Variants in LY75 observed in about 807,000 individuals in gnomAD.
LY75 encodes lymphocyte antigen 75, also known as C-type lectin domain family 13 member B.
A neutral mutation model predicts 231.7 loss-of-function variants in LY75; 185 were observed. That is an observed-to-expected ratio of 0.80 (90% CI 0.71 to 0.90). LY75 has a LOEUF of 0.90. LY75 is among the 40% of genes least tolerant of loss of function. The pLI is 0.00. For missense variants in LY75, 1,947 were observed against 2,050.2 expected (o/e 0.95, Z 0.97); for synonymous variants, 668 against 689.0 (o/e 0.97, Z 0.48).
At position 159,872,591 on chromosome 2, in the gene LY75, T is replaced by A. The variant is rs780909827; in HGVS notation, c.1977A>T (p.Val659=). 15 of 1,611,502 alleles carry A rather than the reference T, an allele frequency of 9.3e-6. No homozygotes were observed. Among genetic ancestry groups the A allele is most frequent in the Non-Finnish European group, 1.2e-5 (14 of 1,179,216 alleles). ...SFPASLSCYK[V]FHAERIVRKR... ...TTCTTACAATTCTTTCTGCATGGAA[T>A]ACCTTAGCAAAATATAATATTAATT... Residue 659 remains valine, a splice_region_variant and synonymous_variant, in exon 13 of 35, where the codon GTA becomes GTT. Transcript: ENST00000263636.
chr2:159,879,451 A>G, intron 8 of LY75, 82 bp from the exon 9 acceptor site: 1 of 1,539,420 alleles, frequency 6.5e-7, no homozygotes, highest in Non-Finnish European at 8.8e-7. Context: ...AAACTATGAC[A>G]GAGACAGAGA....
Position 159,824,956 on chromosome 2 carries a change from C to T in LY75, c.3959-5036G>A, listed in dbSNP as rs1683413558. ...CAGAATCTTTGGGACACATTTAAAG[C>T]AGTGTGTAGGGGGAAATTTATAGCA... On this transcript the variant is annotated intron_variant, in intron 28 of 34. Coordinates refer to ENST00000263636, the MANE Select transcript of LY75 (RefSeq NM_002349.4). Among the ~76,000 whole-genome samples the T allele has an allele frequency of 3.9e-5, 6 of 152,132 alleles. No individual in the cohort carries two copies. The South Asian group carries it at 1.2e-3, about 31-fold the overall frequency.
intron 16 of LY75, among the ~76,000 whole-genome samples, chr2:159,856,038 T>C (rs997378482): frequency 1.3e-5 from 2 of 152,224 alleles, no homozygotes; most frequent in African/African-American, 4.8e-5. Flanking sequence ...ACATAGTTTC[T>C]TGTCTGTAAT....
At chr2:159,861,925 T>C (rs552610690) in intron 14 of LY75, among the ~76,000 whole-genome samples, 195 of 151,834 alleles carry the variant, frequency 1.3e-3, no homozygotes, top group African/African-American at 4.7e-3. Flanking sequence ...GAGGCTAAGA[T>C]GGGTAGACTG....
intron 25 of LY75, among the ~76,000 whole-genome samples, 194 bp downstream of exon 25, chr2:159,840,535 G>C (rs1343390619): frequency 6.6e-6 from 1 of 152,152 alleles, no homozygotes; most frequent in Non-Finnish European, 1.5e-5. Context: ...TCACACCACT[G>C]TACTCCAGCC....
rs1415058133 is a variant in LY75, at chr2:159,875,526, C to T, written c.1892G>A (p.Gly631Glu). Residue 631 changes from glycine to glutamate, a missense_variant, in exon 12 of 35, where the codon GGG becomes GAG. By Grantham distance (98) the Gly-to-Glu change is moderately conservative. Coordinates refer to ENST00000263636, the MANE Select transcript of LY75 (RefSeq NM_002349.4). ...SICKKMSGPL[G>E]PEEASPKPDD... is the part of the protein sequence containing the mutation. ...AGGCTTAGGGGATGCTTCTTCAGGC[C>T]CAAGGGGTCCACTCATTTTCTTGCA... 1 of 1,613,990 alleles carries T rather than the reference C, an allele frequency of 6.2e-7. No individual in the cohort carries two copies. The highest frequency in any genetic ancestry group is 1.7e-5 in the Admixed American group (1 of 59,992).
intron 4 of LY75, among the ~76,000 whole-genome samples, chr2:159,888,642 C>T (rs752855951): frequency 6.6e-6 from 1 of 152,126 alleles, no homozygotes; most frequent in African/African-American, 2.4e-5. Context: ...ATTACTTAGA[C>T]AATACATGTT....
chr2:159,904,358 C>T (rs1686173022), intron 1 of LY75, among the ~76,000 whole-genome samples: 1 of 152,228 alleles, frequency 6.6e-6, no homozygotes, highest in Admixed American at 6.5e-5. Context: ...CCAGAAGGGC[C>T]CTGTCCTCCC....
chr2:159,866,740 C>A (rs1178489343), intron 13 of LY75, among the ~76,000 whole-genome samples: 1 of 152,156 alleles, frequency 6.6e-6, no homozygotes, highest in African/African-American at 2.4e-5. Flanking sequence ...GAAATAACTG[C>A]ATTTCTCCCA....
At position 159,882,154 on chromosome 2, in the gene LY75, C is replaced by T; in HGVS notation, c.1216G>A (p.Glu406Lys). ...LISIHSLADV[E>K]VVVTKLHNED... is the part of the protein sequence containing the mutation. Reference sequence around the variant, plus strand: ...TTATGGAGTTTTGTGACAACCACCTCCACATCTGCTAGAGAATGAATGCTG... The same window carrying T: ...TTATGGAGTTTTGTGACAACCACCTTCACATCTGCTAGAGAATGAATGCTG... Residue 406 changes from glutamate (E) to lysine (K), a missense_variant, in exon 7 of 35, where the codon GAG becomes AAG. Physicochemically the swap from Glu to Lys is moderately conservative, Grantham distance 56. Transcript: ENST00000263636. 1 of 1,613,556 alleles carries T rather than the reference C, an allele frequency of 6.2e-7. No homozygotes were observed. Among genetic ancestry groups the T allele is most frequent in the Non-Finnish European group, 8.5e-7 (1 of 1,179,736 alleles).
At position 159,858,427 on chromosome 2, in the gene LY75, T is replaced by C. The variant is rs749676995; in HGVS notation, c.2318A>G (p.Glu773Gly). Residue 773 changes from glutamate to glycine, a missense_variant, in exon 16 of 35, where the codon GAA becomes GGA. Coordinates refer to ENST00000263636, the MANE Select transcript of LY75 (RefSeq NM_002349.4). ...RRGWHFYDDR[E>G]FIYLRPFACD... ...AGCAAAAGGCCTCAAATAAATAAAT[T>C]CTCTATCATCATAGAAATGCCAGCC... is the stretch of plus-strand genomic sequence containing the variant. 1.2e-6 allele frequency: 2 copies of C among 1,613,416 alleles called. No individual in the cohort carries two copies. Among genetic ancestry groups the C allele is most frequent in the African/African-American group, 2.7e-5 (2 of 74,890 alleles).
chr2:159,876,588 G>T lies in LY75; in HGVS notation c.1775-945C>A, dbSNP rs1202703661. 2.6e-5 allele frequency among the ~76,000 whole-genome samples: 4 copies of T among 152,112 alleles called. No individual in the cohort carries two copies. In the East Asian group the frequency reaches 7.7e-4, roughly 29 times the overall value. ...TGAGGATGGGTGCAATAATGGTAAA[G>T]AGAGCTTCACATAGCCTTTCTGGTC... On this transcript the variant is annotated intron_variant, in intron 11 of 34. Coordinates refer to ENST00000263636, the MANE Select transcript of LY75 (RefSeq NM_002349.4).
At chr2:159,860,364 A>G (rs1355787217) in intron 15 of LY75, among the ~76,000 whole-genome samples, 1 of 152,170 alleles carries the variant, frequency 6.6e-6, no homozygotes, top group Non-Finnish European at 1.5e-5. Flanking sequence ...GACAGCACCA[A>G]TGAAACTTCT....
At position 159,885,193 on chromosome 2, in the gene LY75, A is replaced by G. The variant is rs1685547385; in HGVS notation, c.1014T>C (p.Tyr338=). The G allele has an allele frequency of 6.2e-7, 1 of 1,613,644 alleles. No homozygotes were observed. The highest frequency in any genetic ancestry group is 1.1e-5 in the South Asian group (1 of 91,062). The change falls in exon 6 of 35, where the codon TAT becomes TAC. Residue 338 remains tyrosine (Y), a synonymous_variant. Coordinates refer to ENST00000263636, the MANE Select transcript of LY75 (RefSeq NM_002349.4). ...TATTATTTAATGGTTTCCTGCAGAC[A>G]TAGGGCAGTTGAGCTTCACAGGAAA... The part of the protein sequence containing the change: ...QSFSCEAQLP[Y]VCRKPLNNTV...
At chr2:159,867,064 C>G (rs1418558964) in intron 13 of LY75, among the ~76,000 whole-genome samples, 2 of 152,074 alleles carry the variant, frequency 1.3e-5, no homozygotes, top group Non-Finnish European at 2.9e-5. Context: ...AGGACAGCTT[C>G]CTACAGAAAA....
At chr2:159,828,854 A>G (rs1429000473) in intron 28 of LY75, among the ~76,000 whole-genome samples, 11 of 152,230 alleles carry the variant, frequency 7.2e-5, no homozygotes, top group African/African-American at 2.7e-4. Flanking sequence ...CAATGTGGAT[A>G]AACCTTAAAA....
intron 28 of LY75, among the ~76,000 whole-genome samples, chr2:159,829,050 T>A (rs1475149155): frequency 6.6e-6 from 1 of 152,192 alleles, no homozygotes; most frequent in Non-Finnish European, 1.5e-5. Flanking sequence ...TTTGGGGTAG[T>A]GATGATTGCA....
chr2:159,863,423 T>C (rs1684771391), intron 14 of LY75, among the ~76,000 whole-genome samples: 1 of 152,206 alleles, frequency 6.6e-6, no homozygotes, highest in African/African-American at 2.4e-5. Flanking sequence ...CCACCAACAG[T>C]GTGCAAAAGC....
intron 8 of LY75, 119 bp from the exon 9 acceptor site, chr2:159,879,488 C>A: frequency 7.1e-7 from 1 of 1,413,732 alleles, no homozygotes. Flanking sequence ...AGTGAATTAT[C>A]AAATGTGAGA....
Sources: gnomAD v4.1 joint callset for allele counts (sites outside exome capture counted in the v4.1 genomes callset) on GRCh38, gnomAD v4.1.1 for gene constraint, MANE v1.5 for transcripts, NCBI Gene and HGNC (gene_info 2026-07-23, HGNC 2026-07-21) for gene names.